Variants in KNOP1 observed in about 807,000 individuals in gnomAD.
KNOP1 encodes lysine-rich nucleolar protein 1.
KNOP1 carries 20 observed loss-of-function variants against 30.6 expected under a neutral mutation model. That is an observed-to-expected ratio of 0.65 (90% CI 0.46 to 0.95). The LOEUF is 0.95. KNOP1 is among the 40% of genes least tolerant of loss of function. KNOP1 has a pLI of 0.00. For missense variants in KNOP1, 540 were observed against 562.0 expected (o/e 0.96, Z 0.40); for synonymous variants, 204 against 210.0 (o/e 0.97, Z 0.25).
Position 19,711,780 on chromosome 16 carries a change from C to T in KNOP1, c.919-340G>A, listed in dbSNP as rs2151649592. ...GCTTGGTGTCCGACCTTTCCCACTA[C>T]ACACGTCACCTACCTCCTACGGTGA... On this transcript the variant is annotated intron_variant, in intron 2 of 4. Coordinates refer to ENST00000219837, the MANE Select transcript of KNOP1 (RefSeq NM_001012991.3). The T allele has an allele frequency of 1.4e-5, 5 of 351,274 alleles. No homozygotes were observed. The South Asian group carries it at 1.4e-4, about 10-fold the overall frequency. The allele number at this position is 351,274 out of a possible 1,614,324, so 21.8% of individuals were successfully genotyped here.
rs779202142 is a variant in KNOP1, at chr16:19,714,380, T to C, written c.656A>G (p.His219Arg). 2 of 1,613,732 alleles carry C rather than the reference T, an allele frequency of 1.2e-6. No homozygotes were observed. The highest frequency in any genetic ancestry group is 2.2e-5 in the South Asian group (2 of 91,044). Residue 219 changes from histidine (H) to arginine (R), a missense_variant, in exon 2 of 5, where the codon CAC (histidine) becomes CGC (arginine). Physicochemically the swap from His to Arg is conservative, Grantham distance 29. Coordinates refer to ENST00000219837, the MANE Select transcript of KNOP1 (RefSeq NM_001012991.3). ...NGKVKKKKKI[H>R]QEGDALPGHS... ...GCCTGGGAGGGCATCTCCCTCCTGG[T>C]GGATTTTTTTTTTCTTCTTCACCTT...
chr16:19,710,373 C>A, intron 4 of KNOP1, 136 bp downstream of exon 4: 1 of 832,332 alleles, frequency 1.2e-6, no homozygotes, highest in African/African-American at 1.7e-5. Flanking sequence ...GTGGAGGGAG[C>A]CTGCTGCAGG....
At chr16:19,711,004 G>A (rs60614724) in intron 3 of KNOP1, among the ~76,000 whole-genome samples, 10 of 152,036 alleles carry the variant, frequency 6.6e-5, no homozygotes, top group East Asian at 5.8e-4. Flanking sequence ...CGACAGAAGC[G>A]GAAGCTGATT....
chr16:19,710,488 G>C (rs1188722639), intron 4 of KNOP1, 21 bp downstream of exon 4: 3 of 1,613,088 alleles, frequency 1.9e-6, no homozygotes, highest in Middle Eastern at 1.8e-4. Flanking sequence ...CCTCCTCGCA[G>C]AGCCCTAGCC....
At position 19,710,419 on chromosome 16, in the gene KNOP1, C is replaced by T. The variant is rs1007672251; in HGVS notation, c.1065+90G>A. On this transcript the variant is annotated intron_variant, in intron 4 of 4. Coordinates refer to ENST00000219837, the MANE Select transcript of KNOP1 (RefSeq NM_001012991.3). ...CTCTGGGGCCTGGACATACTTGGTT[C>T]TCCTGCTCCACTCCTCATGCTGGAG... is the stretch of plus-strand genomic sequence containing the variant. 3.8e-6 allele frequency: 5 copies of T among 1,300,890 alleles called. No individual in the cohort carries two copies. The African/African-American group carries it at 5.8e-5, about 15-fold the overall frequency. The allele number at this position is 1,300,890 out of a possible 1,614,324, so 80.6% of individuals were successfully genotyped here.
intron 4 of KNOP1, among the ~76,000 whole-genome samples, chr16:19,708,782 G>GA (rs1976554384): frequency 6.6e-6 from 1 of 152,158 alleles, no homozygotes; most frequent in African/African-American, 2.4e-5. Context: ...CAGGAATAAT[G>GA]ACAGCTCCCC....
Position 19,714,484 on chromosome 16 carries a change from G to A in KNOP1, c.552C>T (p.Cys184=). The change falls in exon 2 of 5, where the codon TGC becomes TGT. Residue 184 remains cysteine, a synonymous_variant. Transcript: ENST00000219837. ...AREARDVGDT[C]SVGKKDEEQA... ...GTTCCTCATCCTTCTTCCCCACTGA[G>A]CAAGTGTCCCCAACATCCCTGGCCT... 6.2e-7 allele frequency: 1 copy of A among 1,614,014 alleles called. No individual in the cohort carries two copies. The highest frequency in any genetic ancestry group is 1.3e-5 in the African/African-American group (1 of 74,988).
At position 19,706,959 on chromosome 16, in the gene KNOP1, A is replaced by T; in HGVS notation, c.1328T>A (p.Ile443Asn). 3 of 1,613,386 alleles carry T rather than the reference A, an allele frequency of 1.9e-6. No individual in the cohort carries two copies. Among genetic ancestry groups the T allele is most frequent in the Non-Finnish European group, 2.5e-6 (3 of 1,180,034 alleles). The change falls in exon 5 of 5, where the codon ATC (isoleucine) becomes AAC (asparagine). Residue 443 changes from isoleucine to asparagine, a missense_variant. Physicochemically the swap from Ile to Asn is moderately radical, Grantham distance 149 (BLOSUM62 -3). Coordinates refer to ENST00000219837, the MANE Select transcript of KNOP1 (RefSeq NM_001012991.3). Reference sequence around the variant, plus strand: ...GGAAGCGTTCCTGTCAATGTAAAAGATCTTGTTGGGGGCGGTGGAGAAGCC... The same window carrying T: ...GGAAGCGTTCCTGTCAATGTAAAAGTTCTTGTTGGGGGCGGTGGAGAAGCC... ...GLGFSTAPNKIFYIDRNASKS... is the reference protein window; with the variant it reads ...GLGFSTAPNKNFYIDRNASKS...
chr16:19,712,654 CAGGT>C (rs535936576), intron 2 of KNOP1, among the ~76,000 whole-genome samples: 49 of 152,316 alleles, frequency 3.2e-4, no homozygotes, highest in South Asian at 1.0e-3. Context: ...CCTCACCAGA[CAGGT>C]AGGAGGATGA....
rs539413096 is a variant in KNOP1, at chr16:19,703,870, T to A, written c.*3040A>T. ...TGGTGAGACGTAAAGTTCTTATGTA[T>A]ATAGAAAAGCAATAAAGCTCCCCCT... On this transcript the variant is annotated 3_prime_UTR_variant, in exon 5 of 5. Transcript: ENST00000219837. The A allele has an allele frequency of 6.6e-6, 1 of 152,142 alleles. No homozygotes were observed. The highest frequency in any genetic ancestry group is 1.5e-5 in the Non-Finnish European group (1 of 68,064). 9.4% of individuals were successfully genotyped at this position (152,142 alleles called of 1,614,324 possible). A position where few individuals can be genotyped will look rare whatever the true frequency, so the allele number is the denominator to read the frequency against.
Position 19,707,121 on chromosome 16 carries a change from G to A in KNOP1, c.1166C>T (p.Ser389Leu), listed in dbSNP as rs535661119. The change falls in exon 5 of 5, where the codon TCG (serine) becomes TTG (leucine). Residue 389 changes from serine (S) to leucine (L), a missense_variant. Ser to Leu is a moderately radical substitution (Grantham distance 145, BLOSUM62 -2). Transcript: ENST00000219837. ...LMGGFKNLSP[S>L]FSRPASTIAR... ...AATCGTGCTGGCGGGGCGGCTGAAC[G>A]AAGGGGACAGGTTTTTGAAGCCACC... is the stretch of plus-strand genomic sequence containing the variant. 68 of 1,614,124 alleles carry A rather than the reference G, an allele frequency of 4.2e-5. No individual in the cohort carries two copies. In the East Asian group the frequency reaches 1.2e-3, roughly 28 times the overall value.
At chr16:19,711,938 C>G (rs1011099735) in intron 2 of KNOP1, 3 of 171,514 alleles carry the variant, frequency 1.7e-5, no homozygotes, top group Non-Finnish European at 3.8e-5. Context: ...TCAGTAACGA[C>G]AAATGCTGAC....
chr16:19,704,933 G>A lies in KNOP1; in HGVS notation c.*1977C>T, dbSNP rs1214845426. 3.1e-6 allele frequency: 1 copy of A among 319,328 alleles called. No individual in the cohort carries two copies. The highest frequency in any genetic ancestry group is 6.2e-6 in the Non-Finnish European group (1 of 162,202). The allele number at this position is 319,328 out of a possible 1,614,324, so 19.8% of individuals were successfully genotyped here. On this transcript the variant is annotated 3_prime_UTR_variant, in exon 5 of 5. Coordinates refer to ENST00000219837, the MANE Select transcript of KNOP1 (RefSeq NM_001012991.3). Reference sequence around the variant, plus strand: ...AGTGCCTGCCTCACCTCTGCCCAATGGGCAGCTGTGGACACCATGGCCACT... The same window carrying A: ...AGTGCCTGCCTCACCTCTGCCCAATAGGCAGCTGTGGACACCATGGCCACT...
At chr16:19,715,242 T>TA (rs1216691054) in intron 1 of KNOP1, 7 of 435,416 alleles carry the variant, frequency 1.6e-5, no homozygotes, top group Non-Finnish European at 2.4e-5. Flanking sequence ...GGTTCAAACC[T>TA]AAATGCCTCT....
Position 19,707,036 on chromosome 16 carries a change from C to T in KNOP1, c.1251G>A (p.Gln417=), listed in dbSNP as rs1417299049. ...KAADSLQQNL[Q]RDYDRAMSWK... ...AGCTCATGGCCCGGTCGTAGTCCCG[C>T]TGCAGATTCTGCTGCAGGCTGTCAG... The change falls in exon 5 of 5, where the codon CAG becomes CAA. Residue 417 remains glutamine (Q), a synonymous_variant. Coordinates refer to ENST00000219837, the MANE Select transcript of KNOP1 (RefSeq NM_001012991.3). 1.2e-6 allele frequency: 2 copies of T among 1,614,212 alleles called. No individual in the cohort carries two copies.
intron 1 of KNOP1, among the ~76,000 whole-genome samples, chr16:19,716,302 C>G (rs1033783159): frequency 2.0e-5 from 3 of 152,172 alleles, no homozygotes; most frequent in Non-Finnish European, 4.4e-5. Flanking sequence ...CACCACCCAT[C>G]AAGAAGCAAG....
At chr16:19,715,761 C>T (rs1226049567) in intron 1 of KNOP1, among the ~76,000 whole-genome samples, 1 of 152,056 alleles carries the variant, frequency 6.6e-6, no homozygotes, top group Non-Finnish European at 1.5e-5. Context: ...ATTGCCAACA[C>T]TGAATGAGTC....
Position 19,706,630 on chromosome 16 carries a change from C to T in KNOP1, c.*280G>A, listed in dbSNP as rs1976364333. The T allele has an allele frequency of 2.5e-6, 1 of 395,326 alleles. No homozygotes were observed. The highest frequency in any genetic ancestry group is 5.8e-5 in the East Asian group (1 of 17,268). The allele number at this position is 395,326 out of a possible 1,614,324, so 24.5% of individuals were successfully genotyped here. On this transcript the variant is annotated 3_prime_UTR_variant, in exon 5 of 5. Coordinates refer to ENST00000219837, the MANE Select transcript of KNOP1 (RefSeq NM_001012991.3). The stretch of plus-strand genomic sequence containing the variant: ...TCCCGAAATATGAGCTGCCCTGCCC[C>T]AGTTCATCCAAGCCCATCAATATAG...
rs533912193 is a variant in KNOP1 at position 19,714,550 on chromosome 16, T to G, written c.486A>C (p.Thr162=). 1 of 1,614,198 alleles carries G rather than the reference T, an allele frequency of 6.2e-7. No homozygotes were observed. Among genetic ancestry groups the G allele is most frequent in the African/African-American group, 1.3e-5 (1 of 75,036 alleles). ...KKEKKGAQDP[T]AFSVQDPWFC... ...ACCAAGGGTCCTGGACCGAGAAGGC[T>G]GTGGGGTCCTGGGCCCCCTTTTTTT... The change falls in exon 2 of 5, where the codon ACA becomes ACC. Residue 162 remains threonine, a synonymous_variant. Coordinates refer to ENST00000219837, the MANE Select transcript of KNOP1 (RefSeq NM_001012991.3).
Sources: gnomAD v4.1 joint callset for allele counts (sites outside exome capture counted in the v4.1 genomes callset) on GRCh38, gnomAD v4.1.1 for gene constraint, MANE v1.5 for transcripts, NCBI Gene and HGNC (gene_info 2026-07-23, HGNC 2026-07-21) for gene names.